Variants in LOXL3 observed in about 807,000 individuals in gnomAD.
LOXL3 encodes the protein lysyl oxidase like 3.
A neutral mutation model predicts 91.8 loss-of-function variants in LOXL3; 60 were observed. The ratio of observed to expected loss-of-function variants is 0.65; its 90% CI spans 0.53 to 0.81. The LOEUF is 0.81. Among genes scored for constraint, LOXL3 ranks in the 30% least tolerant of loss-of-function variants. The pLI is 0.00. For synonymous variants in LOXL3, 355 were observed against 387.6 expected (o/e 0.92, Z 0.99); for missense variants, 874 against 1,000.4 (o/e 0.87, Z 1.70).
At position 74,532,989 on chromosome 2, in the gene LOXL3, G is replaced by C. The variant is rs71640294; in HGVS notation, c.*617C>G. The C allele has an allele frequency of 6.2e-7, 1 of 1,613,466 alleles. No individual in the cohort carries two copies. The highest frequency in any genetic ancestry group is 1.7e-5 in the Admixed American group (1 of 59,994). The stretch of plus-strand genomic sequence containing the variant: ...GACCCCTGAGGTCACAGAATGAATA[G>C]ATCACCAAGAGTATGAGGCTCCTGC... On this transcript the variant is annotated 3_prime_UTR_variant, in exon 14 of 14. Coordinates refer to ENST00000264094, the MANE Select transcript of LOXL3 (RefSeq NM_032603.5).
chr2:74,534,781 C>T lies in LOXL3; in HGVS notation c.1580-7G>A. The stretch of plus-strand genomic sequence containing the variant: ...AGCAACAGATCTGATGCAGCTGCAC[C>T]AAGAAAGGAAGGGGGTGTTAGAAGT... On this transcript the variant is annotated splice_region_variant and splice_polypyrimidine_tract_variant and intron_variant, in intron 9 of 13. Coordinates refer to ENST00000264094, the MANE Select transcript of LOXL3 (RefSeq NM_032603.5). The T allele has an allele frequency of 1.2e-6, 2 of 1,608,020 alleles. No individual in the cohort carries two copies. The highest frequency in any genetic ancestry group is 1.7e-6 in the Non-Finnish European group (2 of 1,175,614).
At chr2:74,551,626 A>C (rs1677019996) in intron 2 of LOXL3, among the ~76,000 whole-genome samples, 1 of 152,230 alleles carries the variant, frequency 6.6e-6, no homozygotes, top group Non-Finnish European at 1.5e-5. Context: ...TCTCCTCTGA[A>C]AGTATTTCCA....
At chr2:74,550,936 T>C (rs1453984951) in intron 2 of LOXL3, among the ~76,000 whole-genome samples, 1 of 146,042 alleles carries the variant, frequency 6.8e-6, no homozygotes, top group Non-Finnish European at 1.5e-5. Context: ...TGAAACCTGT[T>C]TTTTTTTTTT....
At chr2:74,551,515 C>A (rs528662550) in intron 2 of LOXL3, among the ~76,000 whole-genome samples, 1 of 152,270 alleles carries the variant, frequency 6.6e-6, no homozygotes, top group Non-Finnish European at 1.5e-5. Flanking sequence ...ACAACCATTA[C>A]GCCATTGCTA....
Position 74,535,385 on chromosome 2 carries a change from C to T in LOXL3, c.1486G>A (p.Glu496Lys), listed in dbSNP as rs1264218210. The change falls in exon 9 of 14, where the codon GAG (glutamate) becomes AAG (lysine). Residue 496 changes from glutamate to lysine, a missense_variant. Coordinates refer to ENST00000264094, the MANE Select transcript of LOXL3 (RefSeq NM_032603.5). This position sits in a 1 kb window ranked among gnomAD's most constrained non-coding sequence, Gnocchi z 4.2. ...TGGGCACACTGATCCAGGGACAGCT[C>T]AGTCCCTGTGCAGCGCACTCCACTC... is the stretch of plus-strand genomic sequence containing the variant. Reference protein sequence around the residue: ...VMSGVRCTGTELSLDQCAHHG... With the variant: ...VMSGVRCTGTKLSLDQCAHHG... The T allele has an allele frequency of 1.9e-6, 3 of 1,613,998 alleles. No homozygotes were observed. Among genetic ancestry groups the T allele is most frequent in the Non-Finnish European group, 2.5e-6 (3 of 1,180,036 alleles).
At position 74,533,260 on chromosome 2, in the gene LOXL3, T is replaced by G; in HGVS notation, c.*346A>C. On this transcript the variant is annotated 3_prime_UTR_variant, in exon 14 of 14. Transcript: ENST00000264094. ...AGGTAAAGCTGTATCCCCCTAAACT[T>G]AGGGGAGATACTGGAGCTGACCATC... 2 of 538,222 alleles carry G rather than the reference T, an allele frequency of 3.7e-6. No homozygotes were observed. The highest frequency in any genetic ancestry group is 1.9e-5 in the African/African-American group (1 of 52,794). 33.3% of individuals were successfully genotyped at this position (538,222 alleles called of 1,614,324 possible).
In LOXL3 at chr2:74,534,168, A is replaced by G; in HGVS notation, c.2008T>C (p.Tyr670His). The G allele has an allele frequency of 6.2e-7, 1 of 1,614,214 alleles. No individual in the cohort carries two copies. Among genetic ancestry groups the G allele is most frequent in the Non-Finnish European group, 8.5e-7 (1 of 1,180,040 alleles). ...QGITVGCWDL[Y>H]RHDIDCQWID... ...CACTGACAGTCAATGTCATGCCGGT[A>G]GAGATCCCAGCAACCCACAGTGATG... The change falls in exon 12 of 14, where the codon TAC (tyrosine) becomes CAC (histidine). Residue 670 changes from tyrosine (Y) to histidine (H), a missense_variant. Tyr to His is a moderately conservative substitution (Grantham distance 83). Transcript: ENST00000264094.
chr2:74,550,446 G>A, intron 2 of LOXL3, 98 bp from the exon 3 acceptor site: 1 of 1,293,928 alleles, frequency 7.7e-7, no homozygotes, highest in Non-Finnish European at 1.1e-6. Flanking sequence ...CCTCCCACTT[G>A]GCCATGATGA....
rs554987031 is a variant in LOXL3, at chr2:74,535,024, G to A, written c.1580-250C>T. 5.4e-4 allele frequency among the ~76,000 whole-genome samples: 82 copies of A among 152,216 alleles called. 1 individual carries two copies. The South Asian group carries it at 0.015, about 27-fold the overall frequency. ...CTCCCGAGTAGCTGGGATTATAGGC[G>A]CCTGCCACTGCGCCTGGCTAATTTT... is the stretch of plus-strand genomic sequence containing the variant. On this transcript the variant is annotated intron_variant, in intron 9 of 13. Transcript: ENST00000264094. This position sits in a 1 kb window ranked among gnomAD's most constrained non-coding sequence, Gnocchi z 4.2.
At chr2:74,537,594 A>G (rs947958372) in intron 4 of LOXL3, among the ~76,000 whole-genome samples, 1 of 152,196 alleles carries the variant, frequency 6.6e-6, no homozygotes, top group African/African-American at 2.4e-5. Context: ...TGACCAGAGA[A>G]AGGAGATGGA....
At chr2:74,554,409 G>A, upstream of LOXL3, 1 of 297,734 alleles carries the variant, frequency 3.4e-6, no homozygotes, top group South Asian at 5.1e-5. This position sits in a 1 kb window ranked among gnomAD's most constrained non-coding sequence, Gnocchi z 4.9. Flanking sequence ...GGGCGCTTTC[G>A]GGGTGATGTC....
At chr2:74,543,411 G>A (rs1307694861) in intron 4 of LOXL3, among the ~76,000 whole-genome samples, 1 of 151,324 alleles carries the variant, frequency 6.6e-6, no homozygotes, top group Admixed American at 6.6e-5. Context: ...ATGTAATGTA[G>A]GTCCAAAAAA....
intron 4 of LOXL3, among the ~76,000 whole-genome samples, chr2:74,544,141 T>TA (rs1303398756): frequency 6.6e-6 from 1 of 151,530 alleles, no homozygotes; most frequent in African/African-American, 2.4e-5. Flanking sequence ...TCGTCTCTAC[T>TA]AAAAATACAA....
upstream of LOXL3, chr2:74,554,744 C>T (rs13416172): frequency 8.7e-6 from 14 of 1,613,024 alleles, no homozygotes; most frequent in Admixed American, 6.7e-5. This position sits in a 1 kb window ranked among gnomAD's most constrained non-coding sequence, Gnocchi z 4.9. Context: ...CGGAAGGAAC[C>T]GCCGGGGGCC....
At chr2:74,544,464 A>G (rs1676495968) in intron 4 of LOXL3, among the ~76,000 whole-genome samples, 1 of 152,170 alleles carries the variant, frequency 6.6e-6, no homozygotes, top group Non-Finnish European at 1.5e-5. Context: ...TATTCTCAGC[A>G]CCTTGCACAG....
At position 74,532,490 on chromosome 2, in the gene LOXL3, T is replaced by C; in HGVS notation, c.*1116A>G. On this transcript the variant is annotated 3_prime_UTR_variant, in exon 14 of 14. Transcript: ENST00000264094. Reference sequence around the variant, plus strand: ...TAGAAGACAGAAAGTGAGTTGCCATTGTATTTTGTAGTACCTAGCCCATGT... The same window carrying C: ...TAGAAGACAGAAAGTGAGTTGCCATCGTATTTTGTAGTACCTAGCCCATGT... The C allele has an allele frequency of 1.4e-6, 1 of 739,794 alleles. No individual in the cohort carries two copies. Among genetic ancestry groups the C allele is most frequent in the South Asian group, 1.5e-5 (1 of 67,674 alleles). The allele number at this position is 739,794 out of a possible 1,614,324, so 45.8% of individuals were successfully genotyped here.
intron 1 of LOXL3, among the ~76,000 whole-genome samples, 176 bp downstream of exon 1, chr2:74,553,700 G>A (rs941069666): frequency 2.6e-5 from 4 of 152,082 alleles, no homozygotes; most frequent in African/African-American, 9.7e-5. Flanking sequence ...CGTAGCCCCC[G>A]CCTCCGGTAT....
chr2:74,542,968 C>T (rs756637975), intron 4 of LOXL3, among the ~76,000 whole-genome samples: 5 of 152,132 alleles, frequency 3.3e-5, no homozygotes, highest in Non-Finnish European at 5.9e-5. Flanking sequence ...GTTTTCCCTA[C>T]CTATCACTCT....
chr2:74,543,376 G>A (rs188815853), intron 4 of LOXL3, among the ~76,000 whole-genome samples: 10 of 151,982 alleles, frequency 6.6e-5, no homozygotes, highest in Non-Finnish European at 1.2e-4. Context: ...GATGTTTCTA[G>A]GTAGAGATCT....
Sources: gnomAD v4.1 joint callset for allele counts (sites outside exome capture counted in the v4.1 genomes callset) on GRCh38, gnomAD v4.1.1 for gene constraint, Gnocchi (gnomAD v3.1) non-coding constraint, MANE v1.5 for transcripts, NCBI Gene and HGNC (gene_info 2026-07-23, HGNC 2026-07-21) for gene names.